SUPT3H: variants seen among roughly 807,000 people sequenced by gnomAD.
The protein encoded by SUPT3H is transcription initiation protein SPT3 homolog.
SUPT3H carries 44 observed loss-of-function variants against 44.3 expected under a neutral mutation model. The observed-to-expected ratio is 0.99, with a 90% CI of 0.78 to 1.28. SUPT3H has a LOEUF of 1.28. SUPT3H is among the 50% of genes most tolerant of loss of function. The probability of loss-of-function intolerance (pLI) is 0.00; values close to 1 mark genes in which losing one functional copy is unlikely to be tolerated. For missense variants in SUPT3H, 380 were observed against 387.1 expected (o/e 0.98, Z 0.15); for synonymous variants, 124 against 125.6 (o/e 0.99, Z 0.09).
intron 2 of SUPT3H, among the ~76,000 whole-genome samples, chr6:45,141,098 A>C (rs199673494): frequency 1.3e-5 from 2 of 152,018 alleles, no homozygotes; most frequent in Non-Finnish European, 2.9e-5. Context: ...CCAGCACTTT[A>C]GGAGGCCAAG....
intron 10 of SUPT3H, among the ~76,000 whole-genome samples, chr6:44,868,367 C>T (rs1349921798): frequency 6.6e-6 from 1 of 152,130 alleles, no homozygotes; most frequent in African/African-American, 2.4e-5. Context: ...TTTTCTTGCC[C>T]CAATAATTAT....
intron 10 of SUPT3H, among the ~76,000 whole-genome samples, chr6:44,849,942 A>G (rs1772602337): frequency 6.6e-6 from 1 of 152,204 alleles, no homozygotes; most frequent in African/African-American, 2.4e-5. Flanking sequence ...TGTATTTGTA[A>G]TAATGCCCCC....
At chr6:45,167,246 C>A (rs868714706) in intron 2 of SUPT3H, among the ~76,000 whole-genome samples, 1 of 152,076 alleles carries the variant, frequency 6.6e-6, no homozygotes, top group Non-Finnish European at 1.5e-5. Context: ...TAATGCATGG[C>A]AAGAACAAAG....
chr6:45,099,572 C>T (rs185743532), intron 3 of SUPT3H, among the ~76,000 whole-genome samples: 1 of 152,226 alleles, frequency 6.6e-6, no homozygotes, highest in East Asian at 1.9e-4. Flanking sequence ...AAACCCTCAT[C>T]TCACTCTGGA....
intron 4 of SUPT3H, among the ~76,000 whole-genome samples, chr6:45,017,528 A>C (rs1417609150): frequency 1.3e-5 from 2 of 152,098 alleles, no homozygotes; most frequent in South Asian, 2.1e-4. Flanking sequence ...TTGTATAAGG[A>C]GTAAGGAAGG....
intron 3 of SUPT3H, chr6:45,097,924 C>G (rs1798021563): frequency 6.6e-6 from 1 of 152,462 alleles, no homozygotes; most frequent in Admixed American, 6.6e-5. Flanking sequence ...AGTATTCTTG[C>G]AGAAAAATCA....
chr6:45,103,931 T>C (rs1198106892), intron 3 of SUPT3H, among the ~76,000 whole-genome samples: 1 of 152,112 alleles, frequency 6.6e-6, no homozygotes, highest in East Asian at 1.9e-4. Flanking sequence ...TAGAATGACA[T>C]ATTCAAAGAG....
At chr6:45,064,228 GAAATA>G (rs1379943462) in intron 3 of SUPT3H, among the ~76,000 whole-genome samples, 2 of 142,432 alleles carry the variant, frequency 1.4e-5, no homozygotes, top group Non-Finnish European at 3.1e-5. Context: ...AAGTGAAGGA[GAAATA>G]AAATACTTCA....
intron 2 of SUPT3H, among the ~76,000 whole-genome samples, chr6:45,176,587 C>A (rs1323970756): frequency 3.3e-3 from 464 of 141,352 alleles, no homozygotes; most frequent in Admixed American, 3.5e-3. Context: ...CTCAAGGAGA[C>A]CTGCCTGCCT....
chr6:44,868,585 C>T lies in SUPT3H; in HGVS notation c.913-38728G>A, dbSNP rs567243420. Reference sequence around the variant, plus strand: ...TCTGTTCAGCTGCTAGGCAACCCAACGCTGCTCCACCATTCCCTCTAAGAC... The same window carrying T: ...TCTGTTCAGCTGCTAGGCAACCCAATGCTGCTCCACCATTCCCTCTAAGAC... On this transcript the variant is annotated intron_variant, in intron 10 of 10. Coordinates refer to ENST00000371459, the MANE Select transcript of SUPT3H (RefSeq NM_003599.4). Among the ~76,000 whole-genome samples, 5 of 152,276 alleles carry T rather than the reference C, an allele frequency of 3.3e-5. No individual in the cohort carries two copies. The East Asian group carries it at 5.8e-4, about 18-fold the overall frequency.
intron 2 of SUPT3H, among the ~76,000 whole-genome samples, chr6:45,131,371 C>T (rs185585411): frequency 1.3e-5 from 2 of 152,274 alleles, no homozygotes; most frequent in Non-Finnish European, 1.5e-5. Flanking sequence ...TCAATTTACA[C>T]ATCTTATCCA....
chr6:45,001,014 C>T (rs1197069528), intron 6 of SUPT3H, among the ~76,000 whole-genome samples: 1 of 152,096 alleles, frequency 6.6e-6, no homozygotes, highest in Non-Finnish European at 1.5e-5. Flanking sequence ...AAAGCAGGTT[C>T]TTAGGCACAG....
At chr6:45,302,356 T>C (rs1050582647) in intron 2 of SUPT3H, among the ~76,000 whole-genome samples, 2 of 151,624 alleles carry the variant, frequency 1.3e-5, no homozygotes, top group Non-Finnish European at 1.5e-5. Flanking sequence ...ATATACAATG[T>C]TTGGTTTTCC....
At chr6:45,084,405 C>T (rs912291286) in intron 3 of SUPT3H, among the ~76,000 whole-genome samples, 2 of 152,048 alleles carry the variant, frequency 1.3e-5, no homozygotes, top group Admixed American at 6.6e-5. Context: ...CCATATCATT[C>T]GTCATCAGAG....
intron 9 of SUPT3H, among the ~76,000 whole-genome samples, chr6:44,947,795 A>AG (rs1311571722): frequency 5.9e-5 from 9 of 152,220 alleles, no homozygotes; most frequent in African/African-American, 2.2e-4. Flanking sequence ...GATATCCATA[A>AG]GTAAAAATTG....
intron 3 of SUPT3H, among the ~76,000 whole-genome samples, chr6:45,042,625 T>C (rs1788718278): frequency 6.6e-6 from 1 of 152,164 alleles, no homozygotes; most frequent in Non-Finnish European, 1.5e-5. Context: ...TGTGGAGAAA[T>C]AGGAACACTT....
At chr6:45,076,788 G>A (rs540412586) in intron 3 of SUPT3H, among the ~76,000 whole-genome samples, 1 of 152,178 alleles carries the variant, frequency 6.6e-6, no homozygotes, top group Non-Finnish European at 1.5e-5. Context: ...CTATTGTCAA[G>A]CCCTGGCAGT....
chr6:45,023,592 C>T (rs1583119219), intron 3 of SUPT3H, among the ~76,000 whole-genome samples: 1 of 152,052 alleles, frequency 6.6e-6, no homozygotes, highest in African/African-American at 2.4e-5. Flanking sequence ...ATTATGCAGC[C>T]ACAAAAAAGA....
At chr6:45,234,129 T>A (rs1562755849) in intron 2 of SUPT3H, among the ~76,000 whole-genome samples, 1 of 152,198 alleles carries the variant, frequency 6.6e-6, no homozygotes, top group Non-Finnish European at 1.5e-5. Flanking sequence ...TATGTAAATA[T>A]TACCTATGTA....
Sources: allele counts gnomAD v4.1 joint callset (sites outside exome capture counted in the v4.1 genomes callset), GRCh38; gene constraint gnomAD v4.1.1; transcripts MANE v1.5; gene names NCBI Gene and HGNC (gene_info 2026-07-23, HGNC 2026-07-21).